Variants in KIAA1217 observed in about 807,000 individuals in gnomAD.
KIAA1217 encodes the protein KIAA1217.
A neutral mutation model predicts 163.9 loss-of-function variants in KIAA1217; 88 were observed. The observed-to-expected ratio is 0.54, with a 90% CI of 0.45 to 0.64. KIAA1217 has a LOEUF of 0.64. Ranked by LOEUF, KIAA1217 falls within the 30% of genes least tolerant of loss-of-function variation. The pLI is 0.00. For missense variants in KIAA1217, 2,372 were observed against 2,475.0 expected (o/e 0.96, Z 0.88); for synonymous variants, 903 against 923.1 (o/e 0.98, Z 0.39).
chr10:23,818,330 T>TA (rs1491580118), intron 1 of KIAA1217, among the ~76,000 whole-genome samples: 1,430 of 87,620 alleles, frequency 0.016, 21 homozygotes, highest in African/African-American at 0.066. Flanking sequence ...TATATATATA[T>TA]TTTATATATA....
At chr10:24,230,383 C>T (rs554645668) in intron 2 of KIAA1217, among the ~76,000 whole-genome samples, 6 of 152,010 alleles carry the variant, frequency 3.9e-5, no homozygotes, top group South Asian at 2.1e-4. Flanking sequence ...CATGTTGGTA[C>T]GCAAATATCT....
chr10:24,544,077 G>A lies in KIAA1217; in HGVS notation c.4807G>A (p.Val1603Ile), dbSNP rs755501663. Residue 1603 changes from valine to isoleucine, a missense_variant, in exon 19 of 21, where the codon GTA (valine) becomes ATA (isoleucine). Transcript: ENST00000376454. ...AACAGGGAAGAAGACTTTGCAAGTG[G>A]TAGTCTATGAAGAAGAGGAAGAGGA... Reference protein sequence around the residue: ...TKTGKKTLQVVVYEEEEEDGT... With the variant: ...TKTGKKTLQVIVYEEEEEDGT... The A allele has an allele frequency of 1.9e-6, 3 of 1,614,114 alleles. No homozygotes were observed. Among genetic ancestry groups the A allele is most frequent in the South Asian group, 1.1e-5 (1 of 91,060 alleles).
intron 2 of KIAA1217, among the ~76,000 whole-genome samples, chr10:24,048,809 G>A (rs1849257116): frequency 6.6e-6 from 1 of 151,700 alleles, no homozygotes; most frequent in African/African-American, 2.4e-5. Flanking sequence ...GAGGCGGGTG[G>A]ATCACGAGGT....
chr10:23,956,392 C>T (rs1844558873), intron 1 of KIAA1217, among the ~76,000 whole-genome samples: 2 of 152,014 alleles, frequency 1.3e-5, no homozygotes, highest in Non-Finnish European at 2.9e-5. Flanking sequence ...CTTATAGGAA[C>T]ATTAGAGTAG....
chr10:24,343,769 A>C (rs1358526465), intron 2 of KIAA1217, among the ~76,000 whole-genome samples: 1 of 152,182 alleles, frequency 6.6e-6, no homozygotes, highest in Non-Finnish European at 1.5e-5. Flanking sequence ...TGAGGCAAGG[A>C]GTTTGATAGA....
intron 2 of KIAA1217, among the ~76,000 whole-genome samples, chr10:24,312,354 G>A (rs935385164): frequency 2.7e-5 from 4 of 150,748 alleles, no homozygotes; most frequent in Non-Finnish European, 4.4e-5. Flanking sequence ...AGTGGCTCAC[G>A]CCTATAATCC....
chr10:24,319,380 A>T (rs2043836674), intron 2 of KIAA1217, among the ~76,000 whole-genome samples: 1 of 109,972 alleles, frequency 9.1e-6, no homozygotes. Context: ...TGTCTCAAAA[A>T]AAAAAAAAAA....
At chr10:23,801,444 C>T (rs556992236) in intron 1 of KIAA1217, among the ~76,000 whole-genome samples, 1 of 152,280 alleles carries the variant, frequency 6.6e-6, no homozygotes, top group Non-Finnish European at 1.5e-5. Context: ...CCTGCACATT[C>T]TGCACATGTA....
chr10:24,002,517 G>A (rs1358394636), intron 1 of KIAA1217, among the ~76,000 whole-genome samples: 2 of 152,084 alleles, frequency 1.3e-5, no homozygotes, highest in African/African-American at 4.8e-5. Flanking sequence ...GGCTCTGGCG[G>A]GGACCTCTGC....
At chr10:23,726,978 T>G (rs574879291) in intron 1 of KIAA1217, among the ~76,000 whole-genome samples, 1 of 133,872 alleles carries the variant, frequency 7.5e-6, no homozygotes, top group East Asian at 2.2e-4. Context: ...TGTATAGGCC[T>G]CTTTTTTTTT....
chr10:24,543,165 C>G lies in KIAA1217; in HGVS notation c.3895C>G (p.Gln1299Glu), dbSNP rs776360228. 7 of 1,613,218 alleles carry G rather than the reference C, an allele frequency of 4.3e-6. No homozygotes were observed. In the South Asian group the frequency reaches 6.6e-5, roughly 15 times the overall value. The change falls in exon 19 of 21, where the codon CAG (glutamine) becomes GAG (glutamate). Residue 1299 changes from glutamine (Q) to glutamate (E), a missense_variant. Coordinates refer to ENST00000376454, the MANE Select transcript of KIAA1217 (RefSeq NM_019590.5). ...LQYSIPDTENQTLNYGKTKEM... is the reference protein window; with the variant it reads ...LQYSIPDTENETLNYGKTKEM... ...ATACTCTATACCTGACACCGAGAAC[C>G]AGACGCTGAATTACGGAAAGACAAA...
chr10:24,048,222 A>T (rs565857488), intron 2 of KIAA1217, among the ~76,000 whole-genome samples: 1 of 152,304 alleles, frequency 6.6e-6, no homozygotes, highest in Admixed American at 6.5e-5. Context: ...ACATATCTAT[A>T]TGGGTCATTA....
At chr10:24,489,340 C>T (rs1239361360) in intron 6 of KIAA1217, among the ~76,000 whole-genome samples, 4 of 152,110 alleles carry the variant, frequency 2.6e-5, no homozygotes, top group Non-Finnish European at 5.9e-5. Flanking sequence ...ATCACATCAG[C>T]TCGGCTAGCT....
chr10:24,234,981 C>A (rs2131175870), intron 2 of KIAA1217, among the ~76,000 whole-genome samples: 1 of 152,236 alleles, frequency 6.6e-6, no homozygotes, highest in Non-Finnish European at 1.5e-5. Flanking sequence ...AGGACTGGAC[C>A]CTATGCCAGG....
At chr10:24,368,938 T>C (rs1008312780) in intron 2 of KIAA1217, 1 of 800,722 alleles carries the variant, frequency 1.2e-6, no homozygotes. Context: ...ATCAAGTAGA[T>C]ATTCTGATTA....
intron 3 of KIAA1217, among the ~76,000 whole-genome samples, chr10:24,402,523 C>CAAAAAAAAAAAAAAAAAAAAAA (rs1173653514): frequency 2.8e-5 from 2 of 71,032 alleles, no homozygotes; most frequent in Admixed American, 1.3e-4. Flanking sequence ...AAACAAAAAA[C>CAAAAAAAAAAAAAAAAAAAAAA]AAAACAAAAA....
chr10:23,714,620 C>T (rs536995843), intron 1 of KIAA1217, among the ~76,000 whole-genome samples: 44 of 152,212 alleles, frequency 2.9e-4, no homozygotes, highest in Non-Finnish European at 5.0e-4. Flanking sequence ...GACCTCTGGA[C>T]TAAAGATGAC....
At chr10:24,466,886 T>C in intron 5 of KIAA1217, 7 of 709,008 alleles carry the variant, frequency 9.9e-6, no homozygotes, top group Non-Finnish European at 1.2e-5. Context: ...TTGAGTGGTA[T>C]GTTTACAAAT....
At chr10:24,264,130 A>G (rs1590343937) in intron 2 of KIAA1217, among the ~76,000 whole-genome samples, 1 of 152,154 alleles carries the variant, frequency 6.6e-6, no homozygotes, top group African/African-American at 2.4e-5. Context: ...AAGTGCTGGG[A>G]TTACAGGTGT....
Sources: gnomAD v4.1 joint callset for allele counts (sites outside exome capture counted in the v4.1 genomes callset) on GRCh38, gnomAD v4.1.1 for gene constraint, MANE v1.5 for transcripts, NCBI Gene and HGNC (gene_info 2026-07-23, HGNC 2026-07-21) for gene names.